Variants in PTPRM observed in about 807,000 individuals in gnomAD.
PTPRM encodes receptor-type tyrosine-protein phosphatase mu.
PTPRM carries 47 observed loss-of-function variants against 186.7 expected under a neutral mutation model. The ratio of observed to expected loss-of-function variants is 0.25; its 90% CI spans 0.20 to 0.32. PTPRM has a LOEUF of 0.32. Among genes scored for constraint, PTPRM ranks in the 10% least tolerant of loss-of-function variants. The pLI, the probability that PTPRM is intolerant of heterozygous loss-of-function variation, is 1.00. For synonymous variants in PTPRM, 668 were observed against 674.9 expected (o/e 0.99, Z 0.16); for missense variants, 1,494 against 1,865.0 (o/e 0.80, Z 3.66).
intron 5 of PTPRM, among the ~76,000 whole-genome samples, chr18:7,930,990 C>T (rs2051451625): frequency 6.6e-6 from 1 of 151,772 alleles, no homozygotes; most frequent in African/African-American, 2.4e-5. Context: ...TAGAATAAGA[C>T]CCAGTGTGTG....
At chr18:7,826,853 G>T (rs1162467813) in intron 2 of PTPRM, among the ~76,000 whole-genome samples, 2 of 152,146 alleles carry the variant, frequency 1.3e-5, no homozygotes, top group Admixed American at 1.3e-4. Flanking sequence ...CAGCACTTTG[G>T]GAGGCCCAGA....
At chr18:7,979,323 T>A (rs934066997) in intron 7 of PTPRM, among the ~76,000 whole-genome samples, 5 of 152,188 alleles carry the variant, frequency 3.3e-5, no homozygotes, top group Non-Finnish European at 7.4e-5. Flanking sequence ...TCTATGTACA[T>A]AAAACTATTT....
At chr18:8,025,290 G>C (rs9948263) in intron 7 of PTPRM, among the ~76,000 whole-genome samples, 3,515 of 152,218 alleles carry the variant, frequency 0.023, 117 homozygotes, top group African/African-American at 0.08. Flanking sequence ...GCTGACTTAA[G>C]TGACCATACA....
At chr18:7,671,137 T>G (rs1404019836) in intron 1 of PTPRM, among the ~76,000 whole-genome samples, 9 of 152,242 alleles carry the variant, frequency 5.9e-5, no homozygotes, top group Non-Finnish European at 5.9e-5. Flanking sequence ...TATTGCTTTC[T>G]TTAAACATCA....
chr18:8,227,442 T>A (rs78884331), intron 14 of PTPRM, among the ~76,000 whole-genome samples: 2,032 of 152,228 alleles, frequency 0.013, 49 homozygotes, highest in African/African-American at 0.046. Context: ...TTAAAAAAAA[T>A]TTTCATCCTT....
chr18:8,149,556 A>G (rs1360364827), intron 14 of PTPRM, among the ~76,000 whole-genome samples: 1 of 152,008 alleles, frequency 6.6e-6, no homozygotes, highest in Non-Finnish European at 1.5e-5. Context: ...TGCACATGAG[A>G]TGGGTCTCCT....
intron 7 of PTPRM, among the ~76,000 whole-genome samples, chr18:7,981,980 G>A (rs1161413287): frequency 4.6e-5 from 7 of 152,186 alleles, no homozygotes; most frequent in Admixed American, 4.6e-4. Context: ...TGCTCTGGGT[G>A]TCAGGGACCT....
intron 1 of PTPRM, among the ~76,000 whole-genome samples, chr18:7,724,381 C>T (rs2040505764): frequency 6.6e-6 from 1 of 152,124 alleles, no homozygotes. Flanking sequence ...AAATTTACAG[C>T]AACATGGACC....
intron 11 of PTPRM, among the ~76,000 whole-genome samples, chr18:8,093,603 A>G (rs957573278): frequency 6.6e-6 from 1 of 152,180 alleles, no homozygotes. Context: ...TGCATTTGCA[A>G]GTTTTCAGGA....
intron 1 of PTPRM, among the ~76,000 whole-genome samples, chr18:7,773,521 A>ATGAATTT (rs2042425239): frequency 6.6e-6 from 1 of 150,884 alleles, no homozygotes; most frequent in African/African-American, 2.4e-5. Context: ...TCTGGAAACT[A>ATGAATTT]TGAATTTTAA....
chr18:8,189,215 G>A (rs1379166883), intron 14 of PTPRM, among the ~76,000 whole-genome samples: 1 of 149,328 alleles, frequency 6.7e-6, no homozygotes, highest in East Asian at 2.0e-4. Context: ...GATCACTTAA[G>A]TCTGAGGCTG....
intron 1 of PTPRM, among the ~76,000 whole-genome samples, chr18:7,695,618 A>G (rs970208954): frequency 1.3e-5 from 2 of 151,430 alleles, no homozygotes; most frequent in African/African-American, 4.8e-5. Flanking sequence ...AGAGTTGTTT[A>G]TTTTCTATTT....
chr18:7,811,923 A>G (rs1165886768), intron 2 of PTPRM, among the ~76,000 whole-genome samples: 3 of 152,228 alleles, frequency 2.0e-5, no homozygotes, highest in African/African-American at 4.8e-5. Flanking sequence ...GAGACTGGAT[A>G]GATTAATACC....
intron 2 of PTPRM, among the ~76,000 whole-genome samples, chr18:7,838,455 G>A (rs2046163837): frequency 6.6e-6 from 1 of 152,220 alleles, no homozygotes; most frequent in Non-Finnish European, 1.5e-5. Flanking sequence ...AGATCTGGAA[G>A]AATTCTCTGG....
chr18:7,611,011 C>T (rs2037659010), intron 1 of PTPRM, among the ~76,000 whole-genome samples: 1 of 151,956 alleles, frequency 6.6e-6, no homozygotes. Flanking sequence ...TGTGGATGGT[C>T]CTGACCCTGT....
intron 31 of PTPRM, among the ~76,000 whole-genome samples, chr18:8,388,918 G>A (rs112936903): frequency 0.014 from 2,140 of 152,122 alleles, 49 homozygotes; most frequent in African/African-American, 0.048. Context: ...CCGAGATGGC[G>A]CCACTGCACT....
intron 7 of PTPRM, among the ~76,000 whole-genome samples, chr18:8,010,094 T>A (rs2147856752): frequency 6.6e-6 from 1 of 152,344 alleles, no homozygotes; most frequent in African/African-American, 2.4e-5. Flanking sequence ...TCTTAGAATA[T>A]CTATTTTTAG....
Position 8,187,265 on chromosome 18 carries a change from C to T in PTPRM, c.2300+43486C>T, listed in dbSNP as rs776061813. On this transcript the variant is annotated intron_variant, in intron 14 of 32. Coordinates refer to ENST00000580170, the MANE Select transcript of PTPRM (RefSeq NM_001105244.2). The stretch of plus-strand genomic sequence containing the variant: ...AAAGGATTTGTGTGATAGCTACAAG[C>T]GAAAAGGAGTTAATGAGATGAACTG... 4.6e-5 allele frequency among the ~76,000 whole-genome samples: 7 copies of T among 151,986 alleles called. No homozygotes were observed. The East Asian group carries it at 1.2e-3, about 25-fold the overall frequency.
chr18:7,596,938 C>T (rs538345189), intron 1 of PTPRM, among the ~76,000 whole-genome samples: 1 of 152,146 alleles, frequency 6.6e-6, no homozygotes, highest in African/African-American at 2.4e-5. Context: ...ACTGCAACCT[C>T]CGCCTCCCAG....
Sources: allele counts gnomAD v4.1 joint callset (sites outside exome capture counted in the v4.1 genomes callset), GRCh38; gene constraint gnomAD v4.1.1; transcripts MANE v1.5; gene names NCBI Gene and HGNC (gene_info 2026-07-23, HGNC 2026-07-21).